The following PRELID2 variants were observed in gnomAD, a reference collection of about 807,000 sequenced individuals.
The protein encoded by PRELID2 is PRELI domain containing 2, also known as PRELI domain-containing protein 2.
In PRELID2, 25 loss-of-function variants were observed where a neutral mutation model predicts 28.4. That is an observed-to-expected ratio of 0.88 (90% CI 0.64 to 1.23). The LOEUF (loss-of-function observed/expected upper bound fraction) is 1.23, where lower values mean the gene tolerates loss of function less well. Ranked by LOEUF, PRELID2 falls within the 50% of genes most tolerant of loss-of-function variation. PRELID2 has a pLI of 0.00. For missense variants in PRELID2, 201 were observed against 214.4 expected, an observed-to-expected ratio of 0.94 and a Z score of 0.39; for synonymous variants, 76 against 71.6, an observed-to-expected ratio of 1.06 and a Z score of -0.31.
intron 1 of PRELID2, among the ~76,000 whole-genome samples, chr5:145,506,390 C>T (rs978748435): frequency 1.3e-5 from 2 of 152,120 alleles, no homozygotes; most frequent in Admixed American, 1.3e-4. Context: ...CATGGGTCTG[C>T]TGGTCAGTTC....
At chr5:145,499,273 A>C (rs1477168786) in intron 1 of PRELID2, among the ~76,000 whole-genome samples, 1 of 152,192 alleles carries the variant, frequency 6.6e-6, no homozygotes, top group African/African-American at 2.4e-5. Context: ...TGTTAAAAGC[A>C]TATTATATAG....
intron 1 of PRELID2, among the ~76,000 whole-genome samples, chr5:145,717,192 C>A (rs1200870748): frequency 1.3e-5 from 2 of 152,040 alleles, no homozygotes; most frequent in African/African-American, 2.4e-5. Context: ...TATTCTATTT[C>A]TCTGAAATGT....
chr5:145,713,980 A>G (rs552513644), intron 1 of PRELID2, among the ~76,000 whole-genome samples: 1 of 151,940 alleles, frequency 6.6e-6, no homozygotes, highest in African/African-American at 2.4e-5. Context: ...ATTTTCACAT[A>G]AACAAAAACT....
chr5:145,826,747 T>C (rs1042435174), intron 1 of PRELID2, among the ~76,000 whole-genome samples: 2 of 151,930 alleles, frequency 1.3e-5, no homozygotes, highest in African/African-American at 4.8e-5. Flanking sequence ...AACACATATA[T>C]ATAAAAAGTT....
At chr5:145,299,125 C>A in the PRELID2 span, among the ~76,000 whole-genome samples, 2 of 152,040 alleles carry the variant, frequency 1.3e-5, no homozygotes, top group African/African-American at 4.8e-5. Context: ...ACTCAAAACC[C>A]ATTTTGTTAT....
At chr5:145,413,512 A>G in the PRELID2 span, among the ~76,000 whole-genome samples, 1 of 151,984 alleles carries the variant, frequency 6.6e-6, no homozygotes, top group South Asian at 2.1e-4. Flanking sequence ...TTATATGAGA[A>G]AGATACTTTC....
At chr5:145,687,419 A>G (rs1176364698) in intron 1 of PRELID2, among the ~76,000 whole-genome samples, 2 of 152,214 alleles carry the variant, frequency 1.3e-5, no homozygotes, top group Admixed American at 6.5e-5. Context: ...CAAAAATATC[A>G]ATGTCATGAA....
chr5:145,525,233 T>C (rs957206541), intron 1 of PRELID2, among the ~76,000 whole-genome samples: 2 of 152,120 alleles, frequency 1.3e-5, no homozygotes. Context: ...TCAGACTAAA[T>C]TAGGCCAATC....
chr5:145,401,560 G>A, the PRELID2 span, among the ~76,000 whole-genome samples: 16 of 152,024 alleles, frequency 1.1e-4, no homozygotes, highest in Admixed American at 3.3e-4. Flanking sequence ...ACCTCTTTCC[G>A]CTAGCAGCCA....
intron 5 of PRELID2, among the ~76,000 whole-genome samples, chr5:145,784,800 T>TAA (rs1308172774): frequency 2.1e-5 from 2 of 95,430 alleles, no homozygotes; most frequent in African/African-American, 3.6e-5. Flanking sequence ...TTTTTTTTTT[T>TAA]AAAAAAACAT....
the PRELID2 span, among the ~76,000 whole-genome samples, chr5:145,255,580 C>G: frequency 1.3e-5 from 2 of 151,318 alleles, no homozygotes; most frequent in South Asian, 4.2e-4. Flanking sequence ...TTGAACCAGA[C>G]TGAGCAACAT....
intron 1 of PRELID2, among the ~76,000 whole-genome samples, chr5:145,620,519 T>A (rs1290658999): frequency 1.3e-5 from 2 of 152,338 alleles, no homozygotes; most frequent in East Asian, 3.9e-4. Flanking sequence ...GGGGAAATCT[T>A]TGTACCCTCC....
At chr5:145,722,270 T>C (rs368829756) in intron 1 of PRELID2, among the ~76,000 whole-genome samples, 8 of 152,296 alleles carry the variant, frequency 5.3e-5, no homozygotes, top group Middle Eastern at 3.4e-3. Context: ...AGGAATATGA[T>C]AATTCAAAAT....
rs140496518 is a variant in PRELID2 at position 145,771,685 on chromosome 5, A to G, written c.475-6685T>C. On this transcript the variant is annotated intron_variant, in intron 5 of 6. Coordinates refer to ENST00000683046, the MANE Select transcript of PRELID2 (RefSeq NM_205846.3). ...AGCCTAACCAACATGGAGAAACGCCATCTCTACTAAAACTACAAAATTAGC... is the reference window on the plus strand; with the variant it reads ...AGCCTAACCAACATGGAGAAACGCCGTCTCTACTAAAACTACAAAATTAGC... 6.2e-4 allele frequency among the ~76,000 whole-genome samples: 94 copies of G among 152,078 alleles called. No homozygotes were observed. In the East Asian group the frequency reaches 0.016, roughly 27 times the overall value.
At chr5:145,304,941 G>T in the PRELID2 span, among the ~76,000 whole-genome samples, 8 of 152,236 alleles carry the variant, frequency 5.3e-5, no homozygotes, top group African/African-American at 1.7e-4. Flanking sequence ...GAAAATATTT[G>T]TCGAACGAAT....
intron 1 of PRELID2, among the ~76,000 whole-genome samples, chr5:145,524,448 C>T (rs937684565): frequency 6.6e-6 from 1 of 152,190 alleles, no homozygotes; most frequent in African/African-American, 2.4e-5. Flanking sequence ...AAACTCTCCC[C>T]TAATTAAGCT....
chr5:145,608,122 C>A (rs1235800078), intron 1 of PRELID2, among the ~76,000 whole-genome samples: 1 of 150,718 alleles, frequency 6.6e-6, no homozygotes. Context: ...TTCTCCATCT[C>A]TTTACTTTGA....
the PRELID2 span, among the ~76,000 whole-genome samples, chr5:145,269,465 A>T: frequency 6.6e-6 from 1 of 152,154 alleles, no homozygotes; most frequent in East Asian, 1.9e-4. Flanking sequence ...AACCCTTACC[A>T]TACCCCATAA....
the PRELID2 span, among the ~76,000 whole-genome samples, chr5:145,295,723 T>A: frequency 6.6e-6 from 1 of 152,180 alleles, no homozygotes; most frequent in Admixed American, 6.6e-5. Flanking sequence ...GATTTGCCTA[T>A]GTTCATGTAG....
Sources: gnomAD v4.1 joint callset for allele counts (sites outside exome capture counted in the v4.1 genomes callset) on GRCh38, gnomAD v4.1.1 for gene constraint, MANE v1.5 for transcripts, NCBI Gene and HGNC (gene_info 2026-07-23, HGNC 2026-07-21) for gene names.